DDX60: variants seen among roughly 807,000 people sequenced by gnomAD.
The protein encoded by DDX60 is probable ATP-dependent RNA helicase DDX60.
DDX60 carries 165 observed loss-of-function variants against 212.8 expected under a neutral mutation model. That is an observed-to-expected ratio of 0.78 (90% CI 0.68 to 0.88). The LOEUF (loss-of-function observed/expected upper bound fraction) is 0.88. Ranked by LOEUF, DDX60 falls within the 40% of genes least tolerant of loss-of-function variation. The pLI is 0.00. For synonymous variants in DDX60, 703 were observed against 685.3 expected (o/e 1.03, Z -0.40); for missense variants, 1,905 against 2,003.9 (o/e 0.95, Z 0.94).
chr4:168,237,512 T>A (rs1475410775), intron 31 of DDX60, 85 bp from the exon 32 acceptor site: 1 of 1,321,984 alleles, frequency 7.6e-7, no homozygotes, highest in African/African-American at 1.5e-5. Flanking sequence ...AAATAGTATT[T>A]AATGCCAATA....
intron 16 of DDX60, 104 bp from the exon 17 acceptor site, chr4:168,274,187 G>T: frequency 7.3e-7 from 1 of 1,374,310 alleles, no homozygotes. Flanking sequence ...AACCTCAAAG[G>T]ATCTGTAGGT....
intron 24 of DDX60, 39 bp from the exon 25 acceptor site, chr4:168,261,028 G>C (rs773556191): frequency 6.4e-7 from 1 of 1,566,564 alleles, no homozygotes; most frequent in Non-Finnish European, 8.6e-7. Context: ...AGTTCTGCAT[G>C]AGAAAGAAAG....
intron 35 of DDX60, among the ~76,000 whole-genome samples, chr4:168,222,533 A>T (rs754774105): frequency 8.6e-5 from 13 of 151,998 alleles, no homozygotes; most frequent in Non-Finnish European, 1.5e-4. Context: ...ATAAGAGTTG[A>T]CTCCATGTAC....
At chr4:168,237,201 A>G in intron 32 of DDX60, 85 bp downstream of exon 32, 6 of 964,174 alleles carry the variant, frequency 6.2e-6, no homozygotes, top group Non-Finnish European at 8.3e-6. Flanking sequence ...TTTATTAAAA[A>G]TATTCCTGAA....
chr4:168,315,295 G>C (rs1028450268), intron 1 of DDX60, among the ~76,000 whole-genome samples: 1 of 152,146 alleles, frequency 6.6e-6, no homozygotes, highest in Non-Finnish European at 1.5e-5. Context: ...AGCACTTTCA[G>C]ATTTCTAAAG....
At chr4:168,303,031 G>A (rs1205754914) in intron 5 of DDX60, among the ~76,000 whole-genome samples, 1 of 151,894 alleles carries the variant, frequency 6.6e-6, no homozygotes, top group African/African-American at 2.4e-5. Context: ...AGCCGGGCTC[G>A]GTGGCTCACA....
intron 22 of DDX60, among the ~76,000 whole-genome samples, chr4:168,267,044 A>T (rs1734875985): frequency 6.6e-6 from 1 of 152,196 alleles, no homozygotes; most frequent in African/African-American, 2.4e-5. Context: ...ATGAGAGAGG[A>T]AGAGAACTAT....
At position 168,288,197 on chromosome 4, in the gene DDX60, T is replaced by C; in HGVS notation, c.1160A>G (p.Tyr387Cys). ...DELLLKNIAFYYENENVKGLH... is the reference protein window; with the variant it reads ...DELLLKNIAFCYENENVKGLH... ...ACCTTTTACATTTTCATTTTCATAG[T>C]AAAAAGCAATATTCTTCAACAAAAG... Residue 387 changes from tyrosine (Y) to cysteine (C), a missense_variant, in exon 9 of 38, where the codon TAC (tyrosine) becomes TGC (cysteine). Transcript: ENST00000393743. 2 of 1,497,782 alleles carry C rather than the reference T, an allele frequency of 1.3e-6. No individual in the cohort carries two copies. Among genetic ancestry groups the C allele is most frequent in the Non-Finnish European group, 1.8e-6 (2 of 1,100,310 alleles). The allele number at this position is 1,497,782 out of a possible 1,614,324, so 92.8% of individuals were successfully genotyped here. A position where few individuals can be genotyped will look rare whatever the true frequency, so the allele number is the denominator to read the frequency against.
intron 25 of DDX60, 36 bp from the exon 26 acceptor site, chr4:168,255,905 A>G (rs533392484): frequency 6.4e-7 from 1 of 1,556,094 alleles, no homozygotes; most frequent in African/African-American, 1.4e-5. Flanking sequence ...TGAAAATAAC[A>G]TCATAAATAC....
At position 168,238,599 on chromosome 4, in the gene DDX60, T is replaced by C. The variant is rs1053467650; in HGVS notation, c.4165-804A>G. Reference sequence around the variant, plus strand: ...ATCTCCTTACTGTGGGATGATATTTTTGAGGGCACCATATCTGGCCTTTTT... The same window carrying C: ...ATCTCCTTACTGTGGGATGATATTTCTGAGGGCACCATATCTGGCCTTTTT... On this transcript the variant is annotated intron_variant, in intron 30 of 37. Transcript: ENST00000393743. Among the ~76,000 whole-genome samples the C allele has an allele frequency of 2.0e-5, 3 of 151,956 alleles. No individual in the cohort carries two copies. In the East Asian group the frequency reaches 5.8e-4, roughly 29 times the overall value.
In DDX60 at chr4:168,284,839, C is replaced by T. The variant is rs1735748830; in HGVS notation, c.1542G>A (p.Arg514=). 1.3e-6 allele frequency: 2 copies of T among 1,555,056 alleles called. No individual in the cohort carries two copies. Among genetic ancestry groups the T allele is most frequent in the Non-Finnish European group, 1.8e-6 (2 of 1,142,804 alleles). ...SHKPLSDDYD[R]SRCQFDEKSR... ...GCTTACCATCAAACTGACACCTGGACCTGTCATAATCATCACTCAGGGGTT... is the reference window on the plus strand; with the variant it reads ...GCTTACCATCAAACTGACACCTGGATCTGTCATAATCATCACTCAGGGGTT... Residue 514 remains arginine, a synonymous_variant, in exon 12 of 38, where the codon AGG becomes AGA. Transcript: ENST00000393743.
upstream of DDX60, among the ~76,000 whole-genome samples, chr4:168,323,089 C>A (rs1737637617): frequency 6.6e-6 from 1 of 152,110 alleles, no homozygotes; most frequent in African/African-American, 2.4e-5. Flanking sequence ...GCCCCAAGAG[C>A]CTCAAAGCAG....
rs373387038 is a variant in DDX60 at position 168,255,844 on chromosome 4, C to T, written c.3424G>A (p.Ala1142Thr). 47 of 1,591,694 alleles carry T rather than the reference C, an allele frequency of 3.0e-5. No individual in the cohort carries two copies. The highest frequency in any genetic ancestry group is 6.8e-5 in the African/African-American group (5 of 73,092). ...AGGAAAGTGCTCACACTTTCAGCTGCGTTTTCTACAGCTCCTAACTTGAAT... is the reference window on the plus strand; with the variant it reads ...AGGAAAGTGCTCACACTTTCAGCTGTGTTTTCTACAGCTCCTAACTTGAAT... ...FLFKLGAVEN[A>T]AESVSTFLKK... is the part of the protein sequence containing the mutation. The change falls in exon 26 of 38, where the codon GCA becomes ACA. Residue 1142 changes from alanine (A) to threonine (T), a missense_variant. Ala to Thr is a moderately conservative substitution (Grantham distance 58). Transcript: ENST00000393743.
chr4:168,269,908 A>G (rs924374617), intron 19 of DDX60, among the ~76,000 whole-genome samples: 3 of 152,176 alleles, frequency 2.0e-5, no homozygotes, highest in African/African-American at 7.2e-5. Context: ...GGTAGAGTTC[A>G]GCTCAATGCC....
At chr4:168,301,468 G>T (rs1486474453) in intron 6 of DDX60, among the ~76,000 whole-genome samples, 1 of 152,114 alleles carries the variant, frequency 6.6e-6, no homozygotes, top group Non-Finnish European at 1.5e-5. Context: ...GAACACAAGC[G>T]CCAACCTAAA....
At chr4:168,220,811 C>G in intron 36 of DDX60, 94 bp from the exon 37 acceptor site, 2 of 642,102 alleles carry the variant, frequency 3.1e-6, no homozygotes, top group Non-Finnish European at 4.7e-6. Flanking sequence ...TAAGAGGTTG[C>G]TTTTGTCTGT....
chr4:168,246,996 T>A (rs1239515847), intron 29 of DDX60, among the ~76,000 whole-genome samples: 1 of 152,198 alleles, frequency 6.6e-6, no homozygotes, highest in Non-Finnish European at 1.5e-5. Flanking sequence ...TCCCCATCTC[T>A]CATCCCTTTT....
chr4:168,267,539 A>G, intron 22 of DDX60, 43 bp downstream of exon 22: 2 of 992,794 alleles, frequency 2.0e-6, no homozygotes, highest in African/African-American at 1.7e-5. Flanking sequence ...ATATACAAAT[A>G]TTTTATATTA....
chr4:168,308,363 T>C (rs1048288218), intron 3 of DDX60, among the ~76,000 whole-genome samples, 168 bp from the exon 4 acceptor site: 1 of 152,196 alleles, frequency 6.6e-6, no homozygotes, highest in Non-Finnish European at 1.5e-5. Flanking sequence ...CATTCACAAC[T>C]ATCCTTCACA....
Sources: gnomAD v4.1 joint callset for allele counts (sites outside exome capture counted in the v4.1 genomes callset) on GRCh38, gnomAD v4.1.1 for gene constraint, MANE v1.5 for transcripts, NCBI Gene and HGNC (gene_info 2026-07-23, HGNC 2026-07-21) for gene names.